The following FBXL20 variants were observed in gnomAD, a reference collection of about 807,000 sequenced individuals.
FBXL20 encodes F-box/LRR-repeat protein 20.
In FBXL20, 11 loss-of-function variants were observed where a neutral mutation model predicts 64.0. The observed-to-expected ratio is 0.17, with a 90% CI of 0.11 to 0.28. The LOEUF is 0.28. Among genes scored for constraint, FBXL20 ranks in the 10% least tolerant of loss-of-function variants. FBXL20 has a pLI of 1.00. For missense variants in FBXL20, 303 were observed against 526.2 expected (o/e 0.58, Z 4.15); for synonymous variants, 184 against 189.0 (o/e 0.97, Z 0.22).
intron 1 of FBXL20, among the ~76,000 whole-genome samples, chr17:39,357,103 G>A (rs1484726388): frequency 1.3e-5 from 2 of 151,396 alleles, no homozygotes; most frequent in South Asian, 2.1e-4. Context: ...GAGAAACCTC[G>A]TCTCTACTAA....
chr17:39,302,093 T>TAAAAA (rs779196048), intron 3 of FBXL20, among the ~76,000 whole-genome samples: 4 of 151,614 alleles, frequency 2.6e-5, no homozygotes, highest in African/African-American at 9.7e-5. Context: ...ATATGATCCT[T>TAAAAA]AAAAAAAATC....
intron 1 of FBXL20, among the ~76,000 whole-genome samples, chr17:39,363,314 A>G (rs2047818309): frequency 1.3e-5 from 2 of 151,602 alleles, no homozygotes; most frequent in Non-Finnish European, 2.9e-5. Flanking sequence ...GCGCTTGGCC[A>G]AATTTTTATT....
At chr17:39,289,658 A>G (rs934655788) in intron 6 of FBXL20, among the ~76,000 whole-genome samples, 5 of 150,548 alleles carry the variant, frequency 3.3e-5, no homozygotes, top group African/African-American at 4.9e-5. Context: ...CAAGAAACAA[A>G]CAAAAAAAAA....
Position 39,261,432 on chromosome 17 carries a change from A to G in FBXL20, c.*28T>C. On this transcript the variant is annotated 3_prime_UTR_variant, in exon 15 of 15. Transcript: ENST00000264658. Reference sequence around the variant, plus strand: ...GCTCTAGAAGTGTCATTAAATACTCAGTTCGCCAAGGTTGACCACCTCCAT... The same window carrying G: ...GCTCTAGAAGTGTCATTAAATACTCGGTTCGCCAAGGTTGACCACCTCCAT... 1.9e-6 allele frequency: 3 copies of G among 1,556,320 alleles called. No homozygotes were observed. Among genetic ancestry groups the G allele is most frequent in the Non-Finnish European group, 2.7e-6 (3 of 1,127,662 alleles).
intron 1 of FBXL20, among the ~76,000 whole-genome samples, chr17:39,354,864 T>TG (rs1410488190): frequency 6.6e-6 from 1 of 152,214 alleles, no homozygotes; most frequent in African/African-American, 2.4e-5. Flanking sequence ...AACAAAAGTT[T>TG]GGAAATCCAG....
At chr17:39,378,255 T>A (rs1206273747) in intron 1 of FBXL20, among the ~76,000 whole-genome samples, 1 of 152,160 alleles carries the variant, frequency 6.6e-6, no homozygotes, top group Admixed American at 6.5e-5. Flanking sequence ...TAAAATGATA[T>A]GAATGTATCC....
At chr17:39,262,008 G>A (rs1456394702) in intron 14 of FBXL20, among the ~76,000 whole-genome samples, 1 of 151,866 alleles carries the variant, frequency 6.6e-6, no homozygotes, top group Non-Finnish European at 1.5e-5. Context: ...ACCTCAAGTG[G>A]TCCGCCCAAG....
chr17:39,292,340 T>C (rs1236894770), intron 6 of FBXL20, among the ~76,000 whole-genome samples: 1 of 150,848 alleles, frequency 6.6e-6, no homozygotes, highest in Admixed American at 6.6e-5. Context: ...TTTTTTTAAA[T>C]TTTTGCACAT....
intron 2 of FBXL20, among the ~76,000 whole-genome samples, chr17:39,323,619 T>C (rs1451884479): frequency 1.3e-5 from 2 of 152,110 alleles, no homozygotes; most frequent in East Asian, 3.9e-4. Flanking sequence ...ACTACTGACT[T>C]AATTGTCAAG....
intron 2 of FBXL20, among the ~76,000 whole-genome samples, chr17:39,311,920 G>C (rs1424144619): frequency 1.3e-5 from 2 of 152,088 alleles, no homozygotes; most frequent in Non-Finnish European, 2.9e-5. Context: ...TGAAACATCA[G>C]GTTGGTAGTC....
At chr17:39,351,445 A>AACT (rs756308285) in intron 1 of FBXL20, among the ~76,000 whole-genome samples, 7 of 152,156 alleles carry the variant, frequency 4.6e-5, no homozygotes, top group Non-Finnish European at 5.9e-5. Flanking sequence ...TTTATAAAAC[A>AACT]ACTATTTCAT....
chr17:39,340,504 A>G (rs2047572138), intron 2 of FBXL20, among the ~76,000 whole-genome samples: 5 of 152,206 alleles, frequency 3.3e-5, no homozygotes, highest in Admixed American at 3.3e-4. Context: ...TGCTAGGATT[A>G]TAGGTGTGAG....
chr17:39,285,774 C>T (rs1473945979), intron 6 of FBXL20, among the ~76,000 whole-genome samples: 1 of 152,166 alleles, frequency 6.6e-6, no homozygotes, highest in African/African-American at 2.4e-5. Flanking sequence ...AAAGGCTGTG[C>T]TGCATATGAG....
chr17:39,398,026 G>C (rs532200544), intron 1 of FBXL20, among the ~76,000 whole-genome samples: 6 of 113,176 alleles, frequency 5.3e-5, no homozygotes, highest in African/African-American at 2.2e-4. Flanking sequence ...CCAGCACTTT[G>C]GGAGGCCGGC....
chr17:39,393,648 A>T (rs2048156072), intron 1 of FBXL20, among the ~76,000 whole-genome samples: 1 of 152,210 alleles, frequency 6.6e-6, no homozygotes, highest in African/African-American at 2.4e-5. Flanking sequence ...CAACTATTAG[A>T]TAAGAGGCTT....
intron 2 of FBXL20, among the ~76,000 whole-genome samples, chr17:39,319,884 T>C (rs190731314): frequency 2.0e-5 from 3 of 152,166 alleles, no homozygotes; most frequent in African/African-American, 7.2e-5. Context: ...AGTGCTGAGA[T>C]TGCAAGCATG....
At chr17:39,355,326 G>C (rs955475037) in intron 1 of FBXL20, among the ~76,000 whole-genome samples, 1 of 151,500 alleles carries the variant, frequency 6.6e-6, no homozygotes, top group African/African-American at 2.4e-5. Context: ...CTAAGGTTGA[G>C]AACAGCCTCC....
intron 6 of FBXL20, among the ~76,000 whole-genome samples, chr17:39,290,134 C>T (rs2047025623): frequency 6.6e-6 from 1 of 150,390 alleles, no homozygotes; most frequent in Admixed American, 6.7e-5. Context: ...TGATGACTTA[C>T]ACATTATTTT....
At position 39,254,997 on chromosome 17, in the gene FBXL20, A is replaced by C. The variant is rs2046682044; in HGVS notation, c.*6463T>G. 6.6e-6 allele frequency: 1 copy of C among 152,488 alleles called. No homozygotes were observed. The highest frequency in any genetic ancestry group is 2.4e-5 in the African/African-American group (1 of 41,452). 9.4% of individuals were successfully genotyped at this position (152,488 alleles called of 1,614,324 possible). On this transcript the variant is annotated 3_prime_UTR_variant, in exon 15 of 15. Transcript: ENST00000264658. Reference sequence around the variant, plus strand: ...CATATGGACTTTCTCTTAACATCCCACAGGGGAGCTTGCCCTAATTCTTTT... The same window carrying C: ...CATATGGACTTTCTCTTAACATCCCCCAGGGGAGCTTGCCCTAATTCTTTT...
Sources: allele counts gnomAD v4.1 joint callset (sites outside exome capture counted in the v4.1 genomes callset), GRCh38; gene constraint gnomAD v4.1.1; transcripts MANE v1.5; gene names NCBI Gene and HGNC (gene_info 2026-07-23, HGNC 2026-07-21).